NEK5: variants seen among roughly 807,000 people sequenced by gnomAD.
NEK5 encodes the protein serine/threonine-protein kinase Nek5.
In NEK5, 88 loss-of-function variants were observed where a neutral mutation model predicts 109.2. The observed-to-expected ratio is 0.81, with a 90% CI of 0.68 to 0.96. The LOEUF is 0.96. NEK5 is among the 40% of genes least tolerant of loss of function. The pLI, the probability that NEK5 is intolerant of heterozygous loss-of-function variation, is 0.00. For missense variants in NEK5, 834 were observed against 920.7 expected, an observed-to-expected ratio of 0.91 and a Z score of 1.22; for synonymous variants, 283 against 299.9, an observed-to-expected ratio of 0.94 and a Z score of 0.58.
In NEK5 at chr13:52,081,478, T is replaced by C. The variant is rs774299365; in HGVS notation, c.1572+1782A>G. ...CTGGAACTATAGTCTCGTGCCACCA[T>C]TTCTGTCTTTCAGATGGCTTTTTTG... is the stretch of plus-strand genomic sequence containing the variant. On this transcript the variant is annotated intron_variant, in intron 17 of 23. Coordinates refer to ENST00000684899, the MANE Select transcript of NEK5 (RefSeq NM_001365552.1). Among the ~76,000 whole-genome samples, 6 of 152,178 alleles carry C rather than the reference T, an allele frequency of 3.9e-5. No homozygotes were observed. In the East Asian group the frequency reaches 1.2e-3, roughly 29 times the overall value.
At chr13:52,108,742 T>A (rs1407704988) in intron 7 of NEK5, among the ~76,000 whole-genome samples, 2 of 152,160 alleles carry the variant, frequency 1.3e-5, no homozygotes, top group Non-Finnish European at 2.9e-5. Context: ...AATACAAAAA[T>A]GAATAAGGGA....
intron 13 of NEK5, among the ~76,000 whole-genome samples, chr13:52,091,523 T>C (rs1393476180): frequency 2.0e-5 from 3 of 152,378 alleles, no homozygotes; most frequent in East Asian, 1.9e-4. Flanking sequence ...TATTCTCTTA[T>C]CATTCTTGCT....
intron 8 of NEK5, among the ~76,000 whole-genome samples, chr13:52,106,291 T>C (rs1371624497): frequency 1.3e-5 from 2 of 152,178 alleles, no homozygotes; most frequent in African/African-American, 4.8e-5. Flanking sequence ...CAAAGTCCAA[T>C]AGCCAAGTAT....
chr13:52,067,115 A>C (rs1368479645), intron 20 of NEK5, among the ~76,000 whole-genome samples: 1 of 152,100 alleles, frequency 6.6e-6, no homozygotes, highest in African/African-American at 2.4e-5. Context: ...AATGACTATA[A>C]TTTCTGTAAT....
intron 23 of NEK5, among the ~76,000 whole-genome samples, chr13:52,037,516 C>T (rs982295276): frequency 3.9e-5 from 6 of 152,228 alleles, no homozygotes; most frequent in Non-Finnish European, 7.4e-5. Flanking sequence ...CGAGCTCTTA[C>T]TATATGTCCA....
At chr13:52,105,516 G>A (rs1955635541) in intron 8 of NEK5, among the ~76,000 whole-genome samples, 1 of 151,960 alleles carries the variant, frequency 6.6e-6, no homozygotes, top group African/African-American at 2.4e-5. Context: ...GCCTGCACCT[G>A]ACCCAGGAAA....
chr13:52,077,659 C>A (rs1214082783), intron 17 of NEK5, among the ~76,000 whole-genome samples: 1 of 152,202 alleles, frequency 6.6e-6, no homozygotes, highest in African/African-American at 2.4e-5. Context: ...ACAGTGCGAC[C>A]ATTCTGGAAC....
intron 17 of NEK5, among the ~76,000 whole-genome samples, chr13:52,079,898 G>A (rs1486223678): frequency 2.0e-4 from 29 of 148,076 alleles, no homozygotes; most frequent in African/African-American, 6.9e-4. Context: ...TGTGGGGAGC[G>A]CCTTTGCCCC....
intron 17 of NEK5, among the ~76,000 whole-genome samples, chr13:52,079,685 C>T (rs1424140073): frequency 6.6e-6 from 1 of 152,296 alleles, no homozygotes; most frequent in Non-Finnish European, 1.5e-5. Flanking sequence ...CTTGGCCTCC[C>T]AAAGTGCCGA....
chr13:52,038,199 G>C (rs1376713915), intron 23 of NEK5, among the ~76,000 whole-genome samples: 4 of 152,076 alleles, frequency 2.6e-5, no homozygotes, highest in Non-Finnish European at 5.9e-5. Flanking sequence ...GCGCACACTT[G>C]TAGTTCCAGC....
intron 12 of NEK5, among the ~76,000 whole-genome samples, chr13:52,095,484 A>C (rs891372189): frequency 6.6e-6 from 1 of 152,264 alleles, no homozygotes; most frequent in African/African-American, 2.4e-5. Flanking sequence ...AGCGTGTTCA[A>C]CAGTTCGTAA....
intron 4 of NEK5, among the ~76,000 whole-genome samples, chr13:52,116,253 C>T (rs1168527988): frequency 6.6e-6 from 1 of 151,650 alleles, no homozygotes; most frequent in Admixed American, 6.6e-5. Flanking sequence ...GTAGACCCGG[C>T]AGGCTTAATG....
chr13:52,064,536 G>A (rs1476486218), intron 21 of NEK5, among the ~76,000 whole-genome samples: 7 of 150,578 alleles, frequency 4.6e-5, no homozygotes, highest in African/African-American at 9.8e-5. Flanking sequence ...CGCCCCGTCC[G>A]GGAGGTGAGG....
intron 23 of NEK5, among the ~76,000 whole-genome samples, chr13:52,043,420 C>G (rs910563600): frequency 6.6e-6 from 1 of 150,994 alleles, no homozygotes; most frequent in African/African-American, 2.4e-5. Flanking sequence ...ACCTGTAATC[C>G]CAGCTACTCG....
intron 21 of NEK5, among the ~76,000 whole-genome samples, chr13:52,064,002 G>A (rs1485061382): frequency 7.0e-6 from 1 of 142,896 alleles, no homozygotes; most frequent in African/African-American, 2.6e-5. Context: ...GAGGTGGGGG[G>A]GGGGGTCAGC....
chr13:52,082,361 G>A (rs1324038673), intron 17 of NEK5: 2 of 1,190,548 alleles, frequency 1.7e-6, no homozygotes, highest in East Asian at 1.5e-4. Flanking sequence ...AAATCATTGA[G>A]AATCTTCTTA....
At chr13:52,072,579 A>G (rs1954802122) in intron 19 of NEK5, among the ~76,000 whole-genome samples, 1 of 152,190 alleles carries the variant, frequency 6.6e-6, no homozygotes, top group Admixed American at 6.5e-5. Flanking sequence ...ACTTCACAGA[A>G]GCTCTGTGAG....
chr13:52,099,936 A>G, intron 11 of NEK5, 60 bp from the exon 12 acceptor site: 1 of 1,278,352 alleles, frequency 7.8e-7, no homozygotes, highest in Admixed American at 1.8e-5. Context: ...ATTAATACTG[A>G]TACTTGTAAG....
rs1368919433 is a variant in NEK5 at position 52,034,890 on chromosome 13, T to TC, written c.*2057_*2058insG. 1.3e-5 allele frequency: 2 copies of TC among 148,376 alleles called. No homozygotes were observed. Among genetic ancestry groups the TC allele is most frequent in the African/African-American group, 2.5e-5 (1 of 40,226 alleles). 9.2% of individuals were successfully genotyped at this position (148,376 alleles called of 1,614,324 possible). A position where few individuals can be genotyped will look rare whatever the true frequency, so the allele number is the denominator to read the frequency against. On this transcript the variant is annotated 3_prime_UTR_variant, in exon 24 of 24. Transcript: ENST00000684899. The stretch of plus-strand genomic sequence containing the variant: ...AAACATTCTTTTTTTTCTTTTTTTT[T>TC]TTTTTTTTTGCCCTTAATTGACTTG...
Sources: allele counts gnomAD v4.1 joint callset (sites outside exome capture counted in the v4.1 genomes callset), GRCh38; gene constraint gnomAD v4.1.1; transcripts MANE v1.5; gene names NCBI Gene and HGNC (gene_info 2026-07-23, HGNC 2026-07-21).